Variants in DTNB observed in about 807,000 individuals in gnomAD.
DTNB encodes the protein dystrobrevin beta.
DTNB carries 63 observed loss-of-function variants against 90.7 expected under a neutral mutation model. That is an observed-to-expected ratio of 0.69 (90% CI 0.57 to 0.86). DTNB has a LOEUF of 0.86. Ranked by LOEUF, DTNB falls within the 40% of genes least tolerant of loss-of-function variation. The probability of loss-of-function intolerance (pLI) is 0.00; values close to 1 mark genes in which losing one functional copy is unlikely to be tolerated. For missense variants in DTNB, 744 were observed against 807.1 expected, an observed-to-expected ratio of 0.92 and a Z score of 0.95; for synonymous variants, 277 against 286.7, an observed-to-expected ratio of 0.97 and a Z score of 0.34.
intron 9 of DTNB, among the ~76,000 whole-genome samples, chr2:25,499,139 C>T (rs2069782672): frequency 6.6e-6 from 1 of 151,642 alleles, no homozygotes; most frequent in Non-Finnish European, 1.5e-5. Context: ...ATCGCTTGAA[C>T]CGGGGAGGCG....
chr2:25,454,215 A>T (rs1479288943), intron 11 of DTNB, among the ~76,000 whole-genome samples: 1 of 152,180 alleles, frequency 6.6e-6, no homozygotes, highest in Non-Finnish European at 1.5e-5. Context: ...AATACCCCAG[A>T]ATAGTGATGC....
chr2:25,528,488 A>C (rs1196759646), intron 9 of DTNB, among the ~76,000 whole-genome samples: 2 of 152,204 alleles, frequency 1.3e-5, no homozygotes, highest in African/African-American at 4.8e-5. Context: ...GACACAAAGC[A>C]GTCATTATTT....
intron 5 of DTNB, among the ~76,000 whole-genome samples, chr2:25,605,514 A>T (rs564415277): frequency 6.6e-6 from 1 of 152,380 alleles, no homozygotes; most frequent in Non-Finnish European, 1.5e-5. Context: ...GCAGAACTGG[A>T]GTAATTTTAT....
At chr2:25,499,082 G>A (rs749994820) in intron 9 of DTNB, among the ~76,000 whole-genome samples, 16 of 151,726 alleles carry the variant, frequency 1.1e-4, no homozygotes, top group Non-Finnish European at 1.6e-4. Flanking sequence ...CAGGCATGGT[G>A]GCAGGGTGCC....
At chr2:25,465,497 CT>C in intron 10 of DTNB, among the ~76,000 whole-genome samples, 1 of 152,134 alleles carries the variant, frequency 6.6e-6, no homozygotes, top group Non-Finnish European at 1.5e-5. Flanking sequence ...ATTAAAAATG[CT>C]TTTTAAAAAT....
At chr2:25,595,365 A>C (rs993657647) in intron 6 of DTNB, among the ~76,000 whole-genome samples, 2 of 152,172 alleles carry the variant, frequency 1.3e-5, no homozygotes, top group African/African-American at 2.4e-5. Flanking sequence ...GTTTCCATTA[A>C]TTTTTTACCT....
At chr2:25,422,642 C>T (rs1371234913) in intron 15 of DTNB, among the ~76,000 whole-genome samples, 1 of 151,968 alleles carries the variant, frequency 6.6e-6, no homozygotes, top group African/African-American at 2.4e-5. Context: ...AGGTGATCCA[C>T]CTGCCTCGGC....
chr2:25,556,170 CTTTTTT>C (rs60714399), intron 8 of DTNB, among the ~76,000 whole-genome samples: 29 of 105,554 alleles, frequency 2.7e-4, no homozygotes, highest in Admixed American at 6.3e-4. Flanking sequence ...GGCCATCTCT[CTTTTTT>C]TTTTTTTTTT....
chr2:25,409,779 T>C (rs982887132), intron 16 of DTNB, among the ~76,000 whole-genome samples: 2 of 152,236 alleles, frequency 1.3e-5, no homozygotes, highest in Non-Finnish European at 2.9e-5. Flanking sequence ...TTTTGTCTAC[T>C]GTGGGTTTTC....
intron 5 of DTNB, among the ~76,000 whole-genome samples, chr2:25,604,362 GTTTC>G (rs898794486): frequency 1.3e-4 from 19 of 151,598 alleles, no homozygotes; most frequent in South Asian, 1.0e-3. Context: ...GTGAGTTCTC[GTTTC>G]TTTCTTTTCT....
At chr2:25,594,647 T>C (rs1297249293) in intron 6 of DTNB, among the ~76,000 whole-genome samples, 1 of 152,210 alleles carries the variant, frequency 6.6e-6, no homozygotes, top group Non-Finnish European at 1.5e-5. Flanking sequence ...AACTTTTAGA[T>C]GTGTTCCTTT....
chr2:25,620,350 G>A (rs141074898), intron 4 of DTNB, among the ~76,000 whole-genome samples: 257 of 152,312 alleles, frequency 1.7e-3, no homozygotes, highest in African/African-American at 4.6e-3. Context: ...TGATGAAACA[G>A]TGTCTTGATC....
intron 11 of DTNB, among the ~76,000 whole-genome samples, chr2:25,452,052 A>C (rs1042933491): frequency 6.6e-6 from 1 of 152,252 alleles, no homozygotes. Flanking sequence ...TATACTTAAC[A>C]CTGGCTAAGC....
At chr2:25,610,397 C>G (rs1191410628) in intron 4 of DTNB, among the ~76,000 whole-genome samples, 3 of 151,738 alleles carry the variant, frequency 2.0e-5, no homozygotes, top group African/African-American at 7.3e-5. Flanking sequence ...AGTATATGTG[C>G]CAGGAAAAAG....
chr2:25,455,984 C>CT (rs2059968690), intron 10 of DTNB, among the ~76,000 whole-genome samples: 2 of 152,202 alleles, frequency 1.3e-5, no homozygotes, highest in South Asian at 4.1e-4. Flanking sequence ...TATAAGGATA[C>CT]TGCCTTTAGC....
chr2:25,617,755 G>A (rs921602360), intron 4 of DTNB, among the ~76,000 whole-genome samples: 1 of 152,134 alleles, frequency 6.6e-6, no homozygotes, highest in East Asian at 1.9e-4. Flanking sequence ...ATACGCGCCT[G>A]TAGTTCCAGC....
chr2:25,387,219 GCA>G lies in DTNB; in HGVS notation c.1825+68_1825+69del. ...GGGTGGTGAGGTTCTGCCGGTGCTGGCAAGGAAGTGAGAAGGGCGCGGGCAAG... is the reference window on the plus strand; with the variant it reads ...GGGTGGTGAGGTTCTGCCGGTGCTGGAGGAAGTGAGAAGGGCGCGGGCAAG... On this transcript the variant is annotated intron_variant, in intron 18 of 20. Coordinates refer to ENST00000406818, the MANE Select transcript of DTNB (RefSeq NM_021907.5). The surrounding 1 kb of genome is among the most constrained non-coding windows in gnomAD (Gnocchi z 4.5). The G allele has an allele frequency of 6.7e-7, 1 of 1,487,038 alleles. No homozygotes were observed. The highest frequency in any genetic ancestry group is 9.2e-7 in the Non-Finnish European group (1 of 1,081,162). 92.1% of individuals were successfully genotyped at this position (1,487,038 alleles called of 1,614,324 possible). A position where few individuals can be genotyped will look rare whatever the true frequency, so the allele number is the denominator to read the frequency against.
intron 1 of DTNB, among the ~76,000 whole-genome samples, chr2:25,658,574 T>C (rs185806745): frequency 2.0e-5 from 3 of 152,348 alleles, no homozygotes; most frequent in African/African-American, 7.2e-5. Context: ...AAATGGAATA[T>C]TGTTCAGCAA....
In DTNB at chr2:25,424,725, T is replaced by G. The variant is rs987742373; in HGVS notation, c.1554+2810A>C. Among the ~76,000 whole-genome samples the G allele has an allele frequency of 1.3e-5, 2 of 151,862 alleles. No individual in the cohort carries two copies. Among genetic ancestry groups the G allele is most frequent in the Admixed American group, 6.6e-5 (1 of 15,242 alleles). On this transcript the variant is annotated intron_variant, in intron 15 of 20. Transcript: ENST00000406818. The surrounding 1 kb of genome is among the most constrained non-coding windows in gnomAD (Gnocchi z 4.1). ...CTCTCTGACCCTGGCTGGAGTGCAG[T>G]GGTGTAATCTCTGCTCACTGCAGCC...
Sources: allele counts gnomAD v4.1 joint callset (sites outside exome capture counted in the v4.1 genomes callset), GRCh38; gene constraint gnomAD v4.1.1; non-coding constraint Gnocchi (gnomAD v3.1); transcripts MANE v1.5; gene names NCBI Gene and HGNC (gene_info 2026-07-23, HGNC 2026-07-21).